Variants in ZFHX3 observed in about 807,000 individuals in gnomAD.
The protein encoded by ZFHX3 is zinc finger homeobox protein 3.
Under a neutral mutation model 279.1 loss-of-function variants are expected in ZFHX3, and 42 were observed. That is an observed-to-expected ratio of 0.15 (90% confidence interval 0.12 to 0.19). The LOEUF (loss-of-function observed/expected upper bound fraction) is 0.19. Ranked by LOEUF, ZFHX3 falls within the 10% of genes least tolerant of loss-of-function variation. ZFHX3 has a pLI of 1.00. For synonymous variants in ZFHX3, 2,293 were observed against 1,957.8 expected, an observed-to-expected ratio of 1.17 and a Z score of -4.52; for missense variants, 4,981 against 4,754.0, an observed-to-expected ratio of 1.05 and a Z score of -1.40.
chr16:73,815,411 G>A (rs1055997775), intron 1 of ZFHX3, among the ~76,000 whole-genome samples: 2 of 152,116 alleles, frequency 1.3e-5, no homozygotes. Context: ...AGGAGACCAT[G>A]AGAAGTGACC....
At chr16:73,652,291 C>G (rs905923811) in intron 2 of ZFHX3, among the ~76,000 whole-genome samples, 2 of 152,124 alleles carry the variant, frequency 1.3e-5, no homozygotes, top group African/African-American at 4.8e-5. Context: ...TTTTTATAAG[C>G]TTGCCCAGTT....
chr16:73,178,303 A>AT lies in ZFHX3; in HGVS notation c.-1103-34473dup, dbSNP rs537457344. On this transcript the variant is annotated intron_variant, in intron 5 of 17. Transcript: ENST00000641206. Reference sequence around the variant, plus strand: ...CAGGCACCCGCCACAACACCCAGCTATTTTTTTGAATTTTTAGTAGAGATG... The same window carrying AT: ...CAGGCACCCGCCACAACACCCAGCTATTTTTTTTGAATTTTTAGTAGAGATG... Among the ~76,000 whole-genome samples, 627 of 151,974 alleles carry AT rather than the reference A, an allele frequency of 4.1e-3. 7 individuals are homozygous for AT. The highest frequency in any genetic ancestry group is 0.014 in the African/African-American group (582 of 41,472).
chr16:73,598,333 C>T (rs1435874126), intron 2 of ZFHX3, among the ~76,000 whole-genome samples: 1 of 152,156 alleles, frequency 6.6e-6, no homozygotes, highest in African/African-American at 2.4e-5. Flanking sequence ...ACCTCTACTC[C>T]ATAAATCTCA....
At chr16:73,788,565 T>C (rs1959729523) in intron 1 of ZFHX3, among the ~76,000 whole-genome samples, 1 of 152,178 alleles carries the variant, frequency 6.6e-6, no homozygotes. Flanking sequence ...TCGTAAGTTC[T>C]GGGAGAGCAG....
chr16:73,471,005 G>T (rs537677639), intron 2 of ZFHX3, among the ~76,000 whole-genome samples: 1 of 152,310 alleles, frequency 6.6e-6, no homozygotes, highest in South Asian at 2.1e-4. Context: ...GTTTGAGATT[G>T]CTAAGGATGG....
At chr16:73,835,540 G>C (rs1348980337) in intron 1 of ZFHX3, among the ~76,000 whole-genome samples, 1 of 125,256 alleles carries the variant, frequency 8.0e-6, no homozygotes, top group Admixed American at 1.1e-4. Flanking sequence ...TTGCAATCTC[G>C]ACTCACTGCA....
intron 2 of ZFHX3, chr16:73,558,217 C>A (rs933583914): frequency 1.3e-5 from 2 of 152,292 alleles, no homozygotes; most frequent in African/African-American, 2.4e-5. Context: ...TGTGTGCCCA[C>A]GTACATTATA....
At chr16:73,637,371 A>G (rs2052536944) in intron 2 of ZFHX3, among the ~76,000 whole-genome samples, 2 of 151,482 alleles carry the variant, frequency 1.3e-5, no homozygotes, top group South Asian at 2.1e-4. Context: ...AGTTGGGATT[A>G]TAGGTGGCTG....
At chr16:73,055,159 G>C (rs924900258) in intron 1 of ZFHX3, among the ~76,000 whole-genome samples, 26 of 151,622 alleles carry the variant, frequency 1.7e-4, no homozygotes, top group African/African-American at 4.9e-4. Context: ...GTTGTAACTG[G>C]AATAACTGGT....
At chr16:73,321,579 C>A (rs1214835200) in intron 3 of ZFHX3, among the ~76,000 whole-genome samples, 1 of 152,230 alleles carries the variant, frequency 6.6e-6, no homozygotes, top group Non-Finnish European at 1.5e-5. Flanking sequence ...AGCTCCCGAA[C>A]AACAGGTCAA....
chr16:73,652,617 T>C (rs748592001), intron 2 of ZFHX3, among the ~76,000 whole-genome samples: 2 of 152,206 alleles, frequency 1.3e-5, no homozygotes, highest in Non-Finnish European at 2.9e-5. Flanking sequence ...TTTAGACACA[T>C]GTATGACAAA....
intron 2 of ZFHX3, among the ~76,000 whole-genome samples, chr16:73,518,083 A>G (rs1281008489): frequency 6.6e-6 from 1 of 152,154 alleles, no homozygotes; most frequent in African/African-American, 2.4e-5. Flanking sequence ...TCTGCAATAT[A>G]TTTTATACTC....
At chr16:73,549,699 A>G (rs1020993725) in intron 2 of ZFHX3, among the ~76,000 whole-genome samples, 7 of 152,192 alleles carry the variant, frequency 4.6e-5, no homozygotes, top group African/African-American at 1.7e-4. Flanking sequence ...CAGTCCAAAC[A>G]CAGAAAATGC....
chr16:72,965,125 C>T (rs763494223), intron 1 of ZFHX3, among the ~76,000 whole-genome samples: 1 of 152,194 alleles, frequency 6.6e-6, no homozygotes. Flanking sequence ...GCAATCTGCC[C>T]GCCTCGGCCT....
chr16:73,769,074 G>T (rs1410040381), intron 1 of ZFHX3, among the ~76,000 whole-genome samples: 1 of 152,050 alleles, frequency 6.6e-6, no homozygotes, highest in East Asian at 1.9e-4. Context: ...GAACTAAACT[G>T]GGCATCCTGT....
intron 3 of ZFHX3, among the ~76,000 whole-genome samples, chr16:73,394,144 T>C (rs1161493679): frequency 6.6e-6 from 1 of 150,998 alleles, no homozygotes; most frequent in East Asian, 1.9e-4. Flanking sequence ...AGACCAGATT[T>C]AGCAGTTTCT....
At chr16:73,662,692 C>G (rs958574248) in intron 2 of ZFHX3, among the ~76,000 whole-genome samples, 1 of 152,148 alleles carries the variant, frequency 6.6e-6, no homozygotes, top group African/African-American at 2.4e-5. Context: ...GGGTCAAAAA[C>G]AAAGCAATGC....
rs533679924 is a variant in ZFHX3, at chr16:73,715,603, C to T, written c.-1607-35363G>A. Among the ~76,000 whole-genome samples the T allele has an allele frequency of 2.9e-3, 353 of 122,314 alleles. 1 individual carries two copies. The highest frequency in any genetic ancestry group is 0.01 in the African/African-American group (326 of 31,532). The allele number at this position is 122,314 out of a possible 152,430, so 80.2% of individuals were successfully genotyped here. On this transcript the variant is annotated intron_variant, in intron 1 of 17. Transcript: ENST00000641206. The stretch of plus-strand genomic sequence containing the variant: ...TTTTTTTTTTTTTGAGACAGAGTCT[C>T]GCTATGTTGCCCAGGCTGGAATGCA...
rs2019093195 is a variant in ZFHX3, at chr16:73,493,851, T to C, written c.-1546-37593A>G. ...TCTGAGTTCCCCATCTTCCATGTCA[T>C]CTGGCACTCTGTCCCCAGACCTCAG... On this transcript the variant is annotated intron_variant, in intron 2 of 17. Coordinates refer to the ZFHX3 transcript ENST00000641206. Among the ~76,000 whole-genome samples, 3 of 152,242 alleles carry C rather than the reference T, an allele frequency of 2.0e-5. No individual in the cohort carries two copies. The South Asian group carries it at 6.2e-4, about 32-fold the overall frequency.
Sources: gnomAD v4.1 joint callset for allele counts (sites outside exome capture counted in the v4.1 genomes callset) on GRCh38, gnomAD v4.1.1 for gene constraint, MANE v1.5 for transcripts, NCBI Gene and HGNC (gene_info 2026-07-23, HGNC 2026-07-21) for gene names.